SEMA4D: variants seen among roughly 807,000 people sequenced by gnomAD.
SEMA4D encodes the protein semaphorin-4D.
In SEMA4D, 22 loss-of-function variants were observed where a neutral mutation model predicts 74.8. The observed-to-expected ratio is 0.29, with a 90% CI of 0.21 to 0.42. The LOEUF is 0.42. Ranked by LOEUF, SEMA4D falls within the 10% of genes least tolerant of loss-of-function variation. The probability of loss-of-function intolerance (pLI) is 1.00; values close to 1 mark genes in which losing one functional copy is unlikely to be tolerated. For synonymous variants in SEMA4D, 445 were observed against 463.7 expected (o/e 0.96, Z 0.52); for missense variants, 937 against 1,118.4 (o/e 0.84, Z 2.31).
At chr9:89,400,066 A>AAT (rs1841858398) in intron 4 of SEMA4D, among the ~76,000 whole-genome samples, 1 of 149,556 alleles carries the variant, frequency 6.7e-6, no homozygotes, top group Non-Finnish European at 1.5e-5. Context: ...AAAAAAAGCC[A>AAT]CAATATTCAC....
chr9:89,374,653 GATGT>G (rs1191795452), downstream of SEMA4D, among the ~76,000 whole-genome samples: 1 of 152,212 alleles, frequency 6.6e-6, no homozygotes, highest in Admixed American at 6.5e-5. Flanking sequence ...CTGTAACAGT[GATGT>G]CCCTTCTCCC....
At chr9:89,422,951 G>A (rs1230120670) in intron 2 of SEMA4D, among the ~76,000 whole-genome samples, 3 of 152,094 alleles carry the variant, frequency 2.0e-5, no homozygotes, top group South Asian at 4.1e-4. Flanking sequence ...CCATTTTAGA[G>A]ACTGTCAGCA....
chr9:89,381,424 G>A lies in SEMA4D; in HGVS notation c.1447-78C>T. The A allele has an allele frequency of 1.5e-6, 2 of 1,360,924 alleles. No individual in the cohort carries two copies. The highest frequency in any genetic ancestry group is 1.6e-5 in the South Asian group (1 of 64,200). The allele number at this position is 1,360,924 out of a possible 1,614,324, so 84.3% of individuals were successfully genotyped here. A position where few individuals can be genotyped will look rare whatever the true frequency, so the allele number is the denominator to read the frequency against. On this transcript the variant is annotated intron_variant, in intron 13 of 15. Transcript: ENST00000422704. The surrounding 1 kb of genome is among the most constrained non-coding windows in gnomAD (Gnocchi z 4.6). ...GCATGGCCTCTGCTTCTGCACCAGTGTGTGGGAAGCAGCCAGAGTGTACCT... is the reference window on the plus strand; with the variant it reads ...GCATGGCCTCTGCTTCTGCACCAGTATGTGGGAAGCAGCCAGAGTGTACCT...
chr9:89,362,422 A>G (rs748202544), exon 19 of SEMA4D: 1 of 1,613,914 alleles, frequency 6.2e-7, no homozygotes, highest in African/African-American at 1.3e-5. Flanking sequence ...TCCTTGCTAC[A>G]GCTTTCCTGA....
intron 2 of SEMA4D, among the ~76,000 whole-genome samples, chr9:89,451,676 T>C (rs532886447): frequency 6.6e-6 from 1 of 152,122 alleles, no homozygotes. Flanking sequence ...CGGCATGCTG[T>C]CCCAGGAAAC....
At chr9:89,468,317 C>T (rs1215614761) in intron 1 of SEMA4D, among the ~76,000 whole-genome samples, 1 of 152,172 alleles carries the variant, frequency 6.6e-6, no homozygotes, top group South Asian at 2.1e-4. Context: ...CACTACAAAA[C>T]TGTGACCTTT....
chr9:89,410,470 CT>C (rs1399183576), intron 2 of SEMA4D, among the ~76,000 whole-genome samples: 2 of 152,020 alleles, frequency 1.3e-5, no homozygotes, highest in Non-Finnish European at 2.9e-5. Context: ...GAAACACAAC[CT>C]GGAAAATGGA....
chr9:89,466,357 G>A (rs4129680), intron 1 of SEMA4D, among the ~76,000 whole-genome samples: 3,328 of 152,184 alleles, frequency 0.022, 65 homozygotes, highest in South Asian at 0.075. Context: ...TGGGCTCCTC[G>A]AACACCTCTA....
rs1240035579 is a variant in SEMA4D, at chr9:89,388,730, G to A, written c.1013C>T (p.Ser338Phe). 1 of 1,610,920 alleles carries A rather than the reference G, an allele frequency of 6.2e-7. No homozygotes were observed. Among genetic ancestry groups the A allele is most frequent in the Non-Finnish European group, 8.5e-7 (1 of 1,179,280 alleles). ...YNLSTAEEVF[S>F]HGKYMQSTTV... ...GGTGCTCTGCATGTACTTCCCGTGG[G>A]AGAAGACCTCCTCGGCTGTGGACAG... The change falls in exon 11 of 16, where the codon TCC becomes TTC. Residue 338 changes from serine (S) to phenylalanine (F), a missense_variant. By Grantham distance (155) the Ser-to-Phe change is radical. Coordinates refer to ENST00000422704, the MANE Select transcript of SEMA4D (RefSeq NM_001371194.2).
At chr9:89,361,953 G>A (rs943099470) in exon 19 of SEMA4D, 3 of 234,774 alleles carry the variant, frequency 1.3e-5, no homozygotes, top group African/African-American at 4.4e-5. Flanking sequence ...GCAGCGATCT[G>A]TGCTGGCCAT....
intron 2 of SEMA4D, among the ~76,000 whole-genome samples, chr9:89,438,566 T>A (rs1462441562): frequency 6.6e-6 from 1 of 152,232 alleles, no homozygotes; most frequent in Admixed American, 6.5e-5. Flanking sequence ...ATTCTGTCGT[T>A]CCTGAGACAA....
At chr9:89,394,837 G>A (rs1374434778) in intron 6 of SEMA4D, among the ~76,000 whole-genome samples, 2 of 152,246 alleles carry the variant, frequency 1.3e-5, no homozygotes, top group African/African-American at 2.4e-5. Context: ...TCTGAACGGG[G>A]ACTGGAGACT....
intron 13 of SEMA4D, among the ~76,000 whole-genome samples, chr9:89,382,251 G>A (rs556429907): frequency 6.6e-6 from 1 of 152,362 alleles, no homozygotes; most frequent in African/African-American, 2.4e-5. Flanking sequence ...AGACCTGGAG[G>A]TGGCCCGTGG....
At chr9:89,399,409 A>G in intron 4 of SEMA4D, 71 bp from the exon 5 acceptor site, 2 of 1,142,226 alleles carry the variant, frequency 1.8e-6, no homozygotes, top group South Asian at 2.5e-5. Context: ...CACAATTTTA[A>G]AAGCACATGA....
At chr9:89,446,234 C>T (rs560166759) in intron 2 of SEMA4D, among the ~76,000 whole-genome samples, 52 of 152,320 alleles carry the variant, frequency 3.4e-4, no homozygotes, top group African/African-American at 1.2e-3. Context: ...CCTCTGCTGC[C>T]TCTGAGAAGA....
intron 2 of SEMA4D, among the ~76,000 whole-genome samples, chr9:89,411,903 C>T (rs946346048): frequency 3.9e-5 from 6 of 152,344 alleles, no homozygotes; most frequent in Middle Eastern, 3.4e-3. Flanking sequence ...AATGCCAGCA[C>T]CTAATGTGGC....
chr9:89,371,452 GTC>G (rs1365258564), intron 16 of SEMA4D, among the ~76,000 whole-genome samples: 2 of 110,586 alleles, frequency 1.8e-5, no homozygotes, highest in Admixed American at 8.8e-5. Flanking sequence ...TGTGGTGTGT[GTC>G]TGGGGTGTGT....
At chr9:89,475,806 A>C (rs1185369859) in intron 1 of SEMA4D, among the ~76,000 whole-genome samples, 1 of 152,234 alleles carries the variant, frequency 6.6e-6, no homozygotes, top group East Asian at 1.9e-4. Flanking sequence ...AAACAATGAT[A>C]TGACCATGGC....
chr9:89,362,615 G>A (rs1185660775), intron 18 of SEMA4D, among the ~76,000 whole-genome samples: 1 of 152,232 alleles, frequency 6.6e-6, no homozygotes, highest in East Asian at 1.9e-4. Context: ...TGACAGGAAG[G>A]CAGAGCAGCA....
Sources: gnomAD v4.1 joint callset for allele counts (sites outside exome capture counted in the v4.1 genomes callset) on GRCh38, gnomAD v4.1.1 for gene constraint, Gnocchi (gnomAD v3.1) non-coding constraint, MANE v1.5 for transcripts, NCBI Gene and HGNC (gene_info 2026-07-23, HGNC 2026-07-21) for gene names.